ATP2B4: variants seen among roughly 807,000 people sequenced by gnomAD.
The protein encoded by ATP2B4 is plasma membrane calcium-transporting ATPase 4.
ATP2B4 carries 39 observed loss-of-function variants against 110.3 expected under a neutral mutation model. The ratio of observed to expected loss-of-function variants is 0.35; its 90% CI spans 0.27 to 0.46. The LOEUF (loss-of-function observed/expected upper bound fraction) is 0.46, where lower values mean the gene tolerates loss of function less well. ATP2B4 is among the 20% of genes least tolerant of loss of function. The pLI is 1.00. For missense variants in ATP2B4, 1,135 were observed against 1,530.9 expected, an observed-to-expected ratio of 0.74 and a Z score of 4.32; for synonymous variants, 538 against 571.7, an observed-to-expected ratio of 0.94 and a Z score of 0.84.
intron 13 of ATP2B4, 24 bp from the exon 14 acceptor site, chr1:203,713,141 C>A (rs1270420666): frequency 3.1e-6 from 5 of 1,613,550 alleles, no homozygotes; most frequent in African/African-American, 1.3e-5. Flanking sequence ...TTTGACTGAT[C>A]CAGGTGTGGT....
intron 17 of ATP2B4, 97 bp from the exon 18 acceptor site, chr1:203,722,381 G>A: frequency 2.1e-6 from 2 of 945,410 alleles, no homozygotes; most frequent in Non-Finnish European, 3.3e-6. Context: ...AATTAGAATG[G>A]ACACCAGCCA....
chr1:203,662,706 G>A (rs545433486), intron 1 of ATP2B4, among the ~76,000 whole-genome samples: 2 of 152,220 alleles, frequency 1.3e-5, no homozygotes, highest in East Asian at 3.9e-4. Flanking sequence ...CCATTCATCT[G>A]CCCATGGAGG....
intron 20 of ATP2B4, among the ~76,000 whole-genome samples, chr1:203,737,204 G>A (rs952932835): frequency 3.3e-5 from 5 of 152,132 alleles, no homozygotes; most frequent in Non-Finnish European, 1.5e-5. Context: ...TCCAACCCCA[G>A]TTGTTACAAA....
chr1:203,643,766 G>C (rs1417550536), intron 1 of ATP2B4, among the ~76,000 whole-genome samples: 1 of 152,188 alleles, frequency 6.6e-6, no homozygotes, highest in East Asian at 1.9e-4. Flanking sequence ...TATTAGCTGA[G>C]AGTTCATGTG....
chr1:203,683,479 G>C, intron 2 of ATP2B4, 81 bp downstream of exon 2: 6 of 1,416,012 alleles, frequency 4.2e-6, no homozygotes, highest in Non-Finnish European at 5.7e-6. Context: ...TCTAGAGAAG[G>C]CACATTTCTG....
In ATP2B4 at chr1:203,721,200, T is replaced by TC. The variant is rs1485415137; in HGVS notation, c.2606dup (p.Leu870IlefsTer10). 1 of 1,613,978 alleles carries TC rather than the reference T, an allele frequency of 6.2e-7. No individual in the cohort carries two copies. Among genetic ancestry groups the TC allele is most frequent in the Non-Finnish European group, 8.5e-7 (1 of 1,179,844 alleles). On this transcript the variant is annotated frameshift_variant, in exon 17 of 21. Coordinates refer to ENST00000357681, the MANE Select transcript of ATP2B4 (RefSeq NM_001684.5). LOFTEE classifies it high-confidence loss of function. ...GACTGGTTCTTCTCCCCGCCAGGAT[T>TC]CCCCATTGAAAGCTGTGCAGATGTT...
intron 1 of ATP2B4, among the ~76,000 whole-genome samples, chr1:203,666,547 T>C (rs950010329): frequency 1.3e-5 from 2 of 152,166 alleles, no homozygotes; most frequent in Non-Finnish European, 2.9e-5. Context: ...TCGTGCCTCC[T>C]AGGTTTTGTT....
chr1:203,631,547 G>T (rs767175056), intron 1 of ATP2B4, among the ~76,000 whole-genome samples: 6 of 152,138 alleles, frequency 3.9e-5, no homozygotes, highest in African/African-American at 1.4e-4. Flanking sequence ...CCTAGGTTGC[G>T]AAATCAATGC....
At chr1:203,650,296 A>G (rs965899609) in intron 1 of ATP2B4, among the ~76,000 whole-genome samples, 2 of 152,140 alleles carry the variant, frequency 1.3e-5, no homozygotes, top group East Asian at 3.9e-4. Flanking sequence ...CAGGGAGGCC[A>G]GGTGAGGGGC....
At chr1:203,704,438 T>G (rs1665786509) in intron 8 of ATP2B4, among the ~76,000 whole-genome samples, 1 of 151,098 alleles carries the variant, frequency 6.6e-6, no homozygotes. Flanking sequence ...AGATTGCTAC[T>G]TTAGTGGACA....
rs1159298162 is a variant in ATP2B4 at position 203,709,487 on chromosome 1, C to T, written c.1744C>T (p.Pro582Ser). ...RKSMSTVIRN[P>S]NGGFRMYSKG... Reference sequence around the variant, plus strand: ...GTCAATGAGCACCGTCATCAGGAATCCCAACGGTGGCTTCCGTATGTACAG... The same window carrying T: ...GTCAATGAGCACCGTCATCAGGAATTCCAACGGTGGCTTCCGTATGTACAG... The change falls in exon 11 of 21, where the codon CCC becomes TCC. Residue 582 changes from proline to serine, a missense_variant. Pro to Ser is a moderately conservative substitution (Grantham distance 74). Coordinates refer to ENST00000357681, the MANE Select transcript of ATP2B4 (RefSeq NM_001684.5). The T allele has an allele frequency of 1.2e-6, 2 of 1,614,158 alleles. No individual in the cohort carries two copies. The highest frequency in any genetic ancestry group is 2.2e-5 in the South Asian group (2 of 91,080).
intron 15 of ATP2B4, among the ~76,000 whole-genome samples, chr1:203,720,123 G>A (rs1666279163): frequency 6.6e-6 from 1 of 152,046 alleles, no homozygotes; most frequent in Non-Finnish European, 1.5e-5. Context: ...ATGAAATTTT[G>A]GAACTGTGCT....
At chr1:203,635,131 C>T (rs543995050) in intron 1 of ATP2B4, among the ~76,000 whole-genome samples, 49 of 152,144 alleles carry the variant, frequency 3.2e-4, no homozygotes, top group Non-Finnish European at 6.3e-4. Flanking sequence ...TGTACCACTA[C>T]ACCCGGCTAA....
rs138402250 is a variant in ATP2B4, at chr1:203,739,045, G to A, written c.3310-501G>A. Among the ~76,000 whole-genome samples the A allele has an allele frequency of 1.7e-3, 262 of 152,220 alleles. 1 individual carries two copies. The highest frequency in any genetic ancestry group is 5.9e-3 in the African/African-American group (247 of 41,532). On this transcript the variant is annotated intron_variant, in intron 20 of 20. Coordinates refer to ENST00000357681, the MANE Select transcript of ATP2B4 (RefSeq NM_001684.5). ...TATTATGTGCAGATTGGTGTATGCT[G>A]GCTCTTTGAGGTCTTTAAACAGATA...
At chr1:203,734,037 G>A (rs557558071) in intron 20 of ATP2B4, among the ~76,000 whole-genome samples, 39 of 152,328 alleles carry the variant, frequency 2.6e-4, no homozygotes, top group African/African-American at 8.2e-4. Flanking sequence ...TGGGCACGAT[G>A]GCTCACGCCT....
intron 20 of ATP2B4, chr1:203,729,829 C>T (rs569080737): frequency 1.6e-6 from 2 of 1,275,790 alleles, no homozygotes; most frequent in African/African-American, 1.5e-5. Flanking sequence ...CTTGGTTTGT[C>T]TCTCAGAGGG....
intron 19 of ATP2B4, among the ~76,000 whole-genome samples, chr1:203,725,996 C>T (rs111241075): frequency 0.24 from 31,881 of 132,296 alleles, 4,092 homozygotes; most frequent in Admixed American, 0.39. Flanking sequence ...GAGGCTGAGT[C>T]GAGCAGATCA....
rs1571775839 is a variant in ATP2B4, at chr1:203,730,419, G to A, written c.3309+2848G>A. Among the ~76,000 whole-genome samples the A allele has an allele frequency of 2.6e-5, 4 of 152,066 alleles. No individual in the cohort carries two copies. In the South Asian group the frequency reaches 8.3e-4, roughly 32 times the overall value. The stretch of plus-strand genomic sequence containing the variant: ...CTCCCTACCCCACCCCACACTCCAG[G>A]CTGCTGACTCCAAGTACCCATAGAA... On this transcript the variant is annotated intron_variant, in intron 20 of 20. Coordinates refer to ENST00000357681, the MANE Select transcript of ATP2B4 (RefSeq NM_001684.5).
intron 5 of ATP2B4, 56 bp downstream of exon 5, chr1:203,700,387 C>G: frequency 6.4e-7 from 1 of 1,573,174 alleles, no homozygotes; most frequent in East Asian, 2.2e-5. Context: ...ACCTAGGCCA[C>G]AGGATCCAGA....
Sources: gnomAD v4.1 joint callset for allele counts (sites outside exome capture counted in the v4.1 genomes callset) on GRCh38, gnomAD v4.1.1 for gene constraint, MANE v1.5 for transcripts, NCBI Gene and HGNC (gene_info 2026-07-23, HGNC 2026-07-21) for gene names.